The following PWP1 variants were observed in gnomAD, a reference collection of about 807,000 sequenced individuals.
PWP1 encodes periodic tryptophan protein 1 homolog.
In PWP1, 47 loss-of-function variants were observed where a neutral mutation model predicts 69.9. The ratio of observed to expected loss-of-function variants is 0.67; its 90% confidence interval spans 0.53 to 0.86. The LOEUF (loss-of-function observed/expected upper bound fraction) is 0.86, where lower values mean the gene tolerates loss of function less well. Ranked by LOEUF, PWP1 falls within the 40% of genes least tolerant of loss-of-function variation. PWP1 has a pLI of 0.00. For synonymous variants in PWP1, 222 were observed against 208.2 expected, an observed-to-expected ratio of 1.07 and a Z score of -0.57; for missense variants, 551 against 608.8, an observed-to-expected ratio of 0.91 and a Z score of 1.00.
chr12:107,686,792 C>T (rs189468097), intron 1 of PWP1, among the ~76,000 whole-genome samples: 1 of 152,154 alleles, frequency 6.6e-6, no homozygotes, highest in East Asian at 1.9e-4. Context: ...CGGTGAAACC[C>T]CGTCTCTACT....
In PWP1 at chr12:107,712,343, T is replaced by G; in HGVS notation, c.*123T>G. ...AACACAATTCATTTCTGACTGACAT[T>G]CCTTTCTGCAACTGCGGTGGCACCA... is the stretch of plus-strand genomic sequence containing the variant. On this transcript the variant is annotated 3_prime_UTR_variant, in exon 15 of 15. Coordinates refer to ENST00000412830, the MANE Select transcript of PWP1 (RefSeq NM_007062.3). 1 of 685,916 alleles carries G rather than the reference T, an allele frequency of 1.5e-6. No homozygotes were observed. Among genetic ancestry groups the G allele is most frequent in the East Asian group, 2.7e-5 (1 of 37,076 alleles). 42.5% of individuals were successfully genotyped at this position (685,916 alleles called of 1,614,324 possible).
intron 11 of PWP1, among the ~76,000 whole-genome samples, chr12:107,707,386 A>AT (rs1360525580): frequency 2.6e-5 from 4 of 152,122 alleles, no homozygotes; most frequent in Non-Finnish European, 5.9e-5. Context: ...AATACCCTTT[A>AT]TTTCTTTCTC....
At chr12:107,706,817 T>C (rs1000907280) in intron 11 of PWP1, among the ~76,000 whole-genome samples, 1 of 152,228 alleles carries the variant, frequency 6.6e-6, no homozygotes, top group Non-Finnish European at 1.5e-5. Context: ...GTAGTATAGT[T>C]TGAAGTCAGG....
chr12:107,697,533 C>CT lies in PWP1; in HGVS notation c.683dup (p.Leu228PhefsTer10). 1 of 1,610,510 alleles carries CT rather than the reference C, an allele frequency of 6.2e-7. No homozygotes were observed. On this transcript the variant is annotated frameshift_variant, in exon 7 of 15. Transcript: ENST00000412830. LOFTEE classifies it high-confidence loss of function. ...GTGTGGGACCTTGATATAGTGGACT[C>CT]TTTAGAGCCAGTCTTCACACTCGGA...
rs562009404 is a variant in PWP1 at position 107,687,734 on chromosome 12, TAAA to T, written c.73-711_73-709del. 7.6e-4 allele frequency among the ~76,000 whole-genome samples: 115 copies of T among 151,994 alleles called. 1 individual carries two copies. Among genetic ancestry groups the T allele is most frequent in the African/African-American group, 2.6e-3 (106 of 41,452 alleles). ...GGAGCTGTGACCATGCCACATCTCT[TAAA>T]AATTAAAATTAAGGCCGGGCACGGT... On this transcript the variant is annotated intron_variant, in intron 1 of 14. Transcript: ENST00000412830.
At chr12:107,696,374 A>T (rs1245255285) in intron 5 of PWP1, 100 bp from the exon 6 acceptor site, 1 of 1,476,330 alleles carries the variant, frequency 6.8e-7, no homozygotes, top group Non-Finnish European at 9.0e-7. Context: ...TTTAAAGCAC[A>T]TGGCTCACGT....
chr12:107,709,742 T>C (rs887246995), intron 13 of PWP1, among the ~76,000 whole-genome samples: 2 of 152,092 alleles, frequency 1.3e-5, no homozygotes, highest in Admixed American at 6.6e-5. Context: ...TTATATAAGT[T>C]AGACTGCAGA....
chr12:107,688,778 A>T lies in PWP1; in HGVS notation c.295A>T (p.Lys99Ter). Reference protein sequence around the residue: ...DDELAEYDLDKYDEEGDPDAE... With the variant: ...DDELAEYDLD ...TGAGCTGGCTGAGTACGACTTAGAT[A>T]AATATGATGAGGAAGGTGACCCAGG... The change falls in exon 3 of 15, where the codon AAA (lysine) becomes TAA (stop). Residue 99 changes from lysine (K) to a stop codon, truncating the protein, a stop_gained. Transcript: ENST00000412830. LOFTEE classifies it high-confidence loss of function. 2 of 1,614,034 alleles carry T rather than the reference A, an allele frequency of 1.2e-6. No individual in the cohort carries two copies. The highest frequency in any genetic ancestry group is 1.7e-6 in the Non-Finnish European group (2 of 1,179,970).
chr12:107,704,502 CT>C, intron 10 of PWP1, 133 bp from the exon 11 acceptor site: 1 of 612,526 alleles, frequency 1.6e-6, no homozygotes. Context: ...TTTTTTTCTA[CT>C]TTATTTAGAA....
intron 13 of PWP1, among the ~76,000 whole-genome samples, chr12:107,709,980 T>A (rs1397064670): frequency 6.6e-6 from 1 of 152,174 alleles, no homozygotes; most frequent in Non-Finnish European, 1.5e-5. Context: ...ATATTTTCTA[T>A]AACAAATATA....
chr12:107,702,587 G>T (rs1593147002), intron 8 of PWP1, among the ~76,000 whole-genome samples: 1 of 152,174 alleles, frequency 6.6e-6, no homozygotes, highest in Non-Finnish European at 1.5e-5. Flanking sequence ...CTGTGAATCA[G>T]CTTGTCACTT....
At chr12:107,707,724 C>T (rs928890220) in intron 11 of PWP1, among the ~76,000 whole-genome samples, 3 of 152,126 alleles carry the variant, frequency 2.0e-5, no homozygotes, top group African/African-American at 7.2e-5. Flanking sequence ...GTATGTTGAA[C>T]CAGCCTTGCA....
At chr12:107,695,709 A>G (rs755253889) in intron 5 of PWP1, among the ~76,000 whole-genome samples, 1 of 152,228 alleles carries the variant, frequency 6.6e-6, no homozygotes, top group Non-Finnish European at 1.5e-5. Context: ...TTTTTTAAAA[A>G]TATTAAGAGT....
At chr12:107,686,550 A>T (rs1265822716) in intron 1 of PWP1, among the ~76,000 whole-genome samples, 2 of 152,252 alleles carry the variant, frequency 1.3e-5, no homozygotes, top group Non-Finnish European at 2.9e-5. Context: ...TGAAAAACCT[A>T]CAAGAGTTGG....
At chr12:107,688,302 A>G (rs1299943053) in intron 1 of PWP1, 146 bp from the exon 2 acceptor site, 1 of 571,070 alleles carries the variant, frequency 1.8e-6, no homozygotes, top group Non-Finnish European at 2.9e-6. Flanking sequence ...ATATTTTTTA[A>G]TATAGAGTCT....
chr12:107,694,125 G>C (rs1889536612), intron 5 of PWP1, among the ~76,000 whole-genome samples: 1 of 152,138 alleles, frequency 6.6e-6, no homozygotes, highest in Non-Finnish European at 1.5e-5. Flanking sequence ...CCTCACTTTG[G>C]TGTTTTTAAT....
chr12:107,692,436 C>T (rs1188757372), intron 3 of PWP1, among the ~76,000 whole-genome samples: 1 of 152,132 alleles, frequency 6.6e-6, no homozygotes, highest in African/African-American at 2.4e-5. Context: ...ATGTTGATTT[C>T]AGTGTTTCAG....
In PWP1 at chr12:107,710,460, G is replaced by C. The variant is rs762859540; in HGVS notation, c.1346G>C (p.Gly449Ala). The stretch of plus-strand genomic sequence containing the variant: ...GATTTGCCATTTATTTATGCCTTTG[G>C]AGGTCAAAAAGAAGGGCTTCGGGTC... Reference protein sequence around the residue: ...CPDLPFIYAFGGQKEGLRVWD... With the variant: ...CPDLPFIYAFAGQKEGLRVWD... The change falls in exon 14 of 15, where the codon GGA becomes GCA. Residue 449 changes from glycine to alanine, a missense_variant. Transcript: ENST00000412830. 3.1e-6 allele frequency: 5 copies of C among 1,610,162 alleles called. No homozygotes were observed. Among genetic ancestry groups the C allele is most frequent in the Non-Finnish European group, 4.2e-6 (5 of 1,177,764 alleles).
intron 3 of PWP1, among the ~76,000 whole-genome samples, chr12:107,690,397 TATAATC>T (rs1233521226): frequency 1.6e-4 from 24 of 152,176 alleles, no homozygotes; most frequent in African/African-American, 5.8e-4. Context: ...TTAAAAAAGT[TATAATC>T]AGGCACTTAA....
Sources: allele counts gnomAD v4.1 joint callset (sites outside exome capture counted in the v4.1 genomes callset), GRCh38; gene constraint gnomAD v4.1.1; transcripts MANE v1.5; gene names NCBI Gene and HGNC (gene_info 2026-07-23, HGNC 2026-07-21).